The following BCAS3 variants were observed in gnomAD, a reference collection of about 807,000 sequenced individuals.
BCAS3 encodes BCAS3 microtubule associated cell migration factor.
BCAS3 carries 53 observed loss-of-function variants against 116.1 expected under a neutral mutation model. That is an observed-to-expected ratio of 0.46 (90% CI 0.37 to 0.57). BCAS3 has a LOEUF of 0.57. Ranked by LOEUF, BCAS3 falls within the 20% of genes least tolerant of loss-of-function variation. BCAS3 has a pLI of 0.00. For synonymous variants in BCAS3, 391 were observed against 408.2 expected, an observed-to-expected ratio of 0.96 and a Z score of 0.51; for missense variants, 917 against 1,165.4, an observed-to-expected ratio of 0.79 and a Z score of 3.10.
chr17:60,728,068 C>G (rs1428084306), intron 5 of BCAS3, among the ~76,000 whole-genome samples: 1 of 152,134 alleles, frequency 6.6e-6, no homozygotes. Context: ...CTCGGCCTCC[C>G]AAAGTGCTGG....
At chr17:60,694,863 A>T (rs1376403418) in intron 4 of BCAS3, among the ~76,000 whole-genome samples, 1 of 151,882 alleles carries the variant, frequency 6.6e-6, no homozygotes, top group African/African-American at 2.4e-5. Context: ...CAAAACTGAA[A>T]CTCTGTACCC....
At position 61,015,898 on chromosome 17, in the gene BCAS3, C is replaced by G; in HGVS notation, c.1634C>G (p.Thr545Ser). 1 of 1,613,822 alleles carries G rather than the reference C, an allele frequency of 6.2e-7. No homozygotes were observed. ...PMTLGTITKR[T>S]GKVKPPPQIS... Reference sequence around the variant, plus strand: ...ACATTGGGGACCATCACCAAACGAACCGGGTAAGGCCTTAGACTTGATGCT... The same window carrying G: ...ACATTGGGGACCATCACCAAACGAAGCGGGTAAGGCCTTAGACTTGATGCT... The change falls in exon 16 of 24, where the codon ACC becomes AGC. Residue 545 changes from threonine (T) to serine (S), a missense_variant. Around this residue, in one of 3 missense-constraint regions of BCAS3, gnomAD observed 807 missense variants for 1,026.0 expected, o/e 0.79. Coordinates refer to ENST00000407086, the MANE Select transcript of BCAS3 (RefSeq NM_017679.5).
At chr17:61,384,297 C>G (rs2059743368) in intron 23 of BCAS3, 1 of 152,288 alleles carries the variant, frequency 6.6e-6, no homozygotes, top group South Asian at 2.1e-4. Context: ...GGGCCCTCCG[C>G]TGCTAAAGAC....
chr17:61,141,547 G>C lies in BCAS3; in HGVS notation c.2425+56983G>C, dbSNP rs151319152. On this transcript the variant is annotated intron_variant, in intron 22 of 23. Transcript: ENST00000407086. This position sits in a 1 kb window ranked among gnomAD's most constrained non-coding sequence, Gnocchi z 4.3. ...CACTCCAGCCTGGGCGGCAGAGCGAGACCCTGTCTCAAAAAATAAAATAAA... is the reference window on the plus strand; with the variant it reads ...CACTCCAGCCTGGGCGGCAGAGCGACACCCTGTCTCAAAAAATAAAATAAA... Among the ~76,000 whole-genome samples, 16 of 151,248 alleles carry C rather than the reference G, an allele frequency of 1.1e-4. No individual in the cohort carries two copies. The East Asian group carries it at 3.2e-3, about 30-fold the overall frequency.
intron 15 of BCAS3, among the ~76,000 whole-genome samples, chr17:60,996,156 G>A (rs910182812): frequency 5.9e-5 from 9 of 152,122 alleles, no homozygotes; most frequent in Admixed American, 3.3e-4. Context: ...GAGATGGAGG[G>A]GGGCTCTGGA....
intron 22 of BCAS3, among the ~76,000 whole-genome samples, chr17:61,116,773 A>G (rs552841918): frequency 1.4e-3 from 209 of 152,290 alleles, no homozygotes; most frequent in Non-Finnish European, 2.6e-3. Context: ...TTCAAGGTTC[A>G]TAGTTCTTTT....
chr17:60,856,062 A>T (rs1211779602), intron 7 of BCAS3, among the ~76,000 whole-genome samples: 1 of 152,178 alleles, frequency 6.6e-6, no homozygotes, highest in Admixed American at 6.6e-5. Flanking sequence ...TACTTTGTTA[A>T]AAGAAGGCCA....
chr17:61,045,098 T>G (rs1295657042), intron 19 of BCAS3, among the ~76,000 whole-genome samples: 3 of 152,068 alleles, frequency 2.0e-5, no homozygotes, highest in African/African-American at 7.2e-5. Flanking sequence ...GTTTATACAT[T>G]TGAGCATTAT....
At chr17:61,149,089 T>C (rs2077402395) in intron 22 of BCAS3, among the ~76,000 whole-genome samples, 1 of 151,958 alleles carries the variant, frequency 6.6e-6, no homozygotes, top group South Asian at 2.1e-4. Context: ...TTCTTCAAGT[T>C]TCTCAAAGAG....
rs1298852443 is a variant in BCAS3, at chr17:61,279,039, C to G, written c.2426-89288C>G. 6.6e-6 allele frequency among the ~76,000 whole-genome samples: 1 copy of G among 151,842 alleles called. No individual in the cohort carries two copies. Among genetic ancestry groups the G allele is most frequent in the Non-Finnish European group, 1.5e-5 (1 of 67,956 alleles). On this transcript the variant is annotated intron_variant, in intron 22 of 23. Coordinates refer to ENST00000407086, the MANE Select transcript of BCAS3 (RefSeq NM_017679.5). This position sits in a 1 kb window ranked among gnomAD's most constrained non-coding sequence, Gnocchi z 4.4. ...GTCTGGGCTCACTGCAACCTCCTCC[C>G]AGATTCAAGTGAGTCTCCTGCCTCA...
chr17:60,772,125 C>A (rs1465743383), intron 6 of BCAS3, among the ~76,000 whole-genome samples: 5 of 152,214 alleles, frequency 3.3e-5, no homozygotes, highest in Non-Finnish European at 7.3e-5. Context: ...CTTGAGGAAT[C>A]GCCACACTGT....
At chr17:60,893,974 A>T (rs985415547) in intron 10 of BCAS3, among the ~76,000 whole-genome samples, 4 of 151,976 alleles carry the variant, frequency 2.6e-5, no homozygotes, top group African/African-American at 9.7e-5. Flanking sequence ...TATAGTTTGA[A>T]ATCAGGCAGT....
chr17:60,852,026 G>C (rs1357722099), intron 7 of BCAS3, among the ~76,000 whole-genome samples: 4 of 152,158 alleles, frequency 2.6e-5, no homozygotes, highest in Non-Finnish European at 4.4e-5. Context: ...ACATTTCATA[G>C]ATGGGGGATA....
intron 4 of BCAS3, among the ~76,000 whole-genome samples, chr17:60,703,795 T>G (rs1214018466): frequency 2.0e-5 from 3 of 151,288 alleles, no homozygotes; most frequent in South Asian, 2.1e-4. Context: ...GCGCCTGTAG[T>G]CCCAGCTACT....
At chr17:61,035,896 C>T (rs990337063) in intron 17 of BCAS3, among the ~76,000 whole-genome samples, 18 of 152,122 alleles carry the variant, frequency 1.2e-4, no homozygotes, top group African/African-American at 4.1e-4. Context: ...GATTTTACCA[C>T]GCTATTCAGT....
chr17:61,174,962 GGA>G (rs2079054114), intron 22 of BCAS3, among the ~76,000 whole-genome samples: 1 of 152,136 alleles, frequency 6.6e-6, no homozygotes, highest in African/African-American at 2.4e-5. Context: ...CTTTTCTATG[GGA>G]GCTTCTCAGG....
rs1232292996 is a variant in BCAS3, at chr17:60,925,886, A to G, written c.1087+1386A>G. Among the ~76,000 whole-genome samples, 3 of 152,038 alleles carry G rather than the reference A, an allele frequency of 2.0e-5. No individual in the cohort carries two copies. The South Asian group carries it at 6.2e-4, about 32-fold the overall frequency. On this transcript the variant is annotated intron_variant, in intron 13 of 23. Transcript: ENST00000407086. The stretch of plus-strand genomic sequence containing the variant: ...TGATTTTGGAATATTTGCATATATA[A>G]TGAGTTATCTTGGCGGTGGGACCCA...
intron 6 of BCAS3, among the ~76,000 whole-genome samples, chr17:60,765,831 C>G (rs2044035593): frequency 6.6e-6 from 1 of 152,194 alleles, no homozygotes; most frequent in Non-Finnish European, 1.5e-5. Flanking sequence ...ATACACCAAT[C>G]AAACGTAGAT....
At chr17:61,179,614 G>A (rs2079356563) in intron 22 of BCAS3, among the ~76,000 whole-genome samples, 1 of 152,138 alleles carries the variant, frequency 6.6e-6, no homozygotes, top group South Asian at 2.1e-4. Flanking sequence ...TAATCTGTAA[G>A]CTTGATTACC....
Sources: gnomAD v4.1 joint callset for allele counts (sites outside exome capture counted in the v4.1 genomes callset) on GRCh38, gnomAD v4.1.1 for gene constraint, gnomAD v4.1.1 regional missense constraint, Gnocchi (gnomAD v3.1) non-coding constraint, MANE v1.5 for transcripts, NCBI Gene and HGNC (gene_info 2026-07-23, HGNC 2026-07-21) for gene names.